The following BEND7 variants were observed in gnomAD, a reference collection of about 807,000 sequenced individuals.
The protein encoded by BEND7 is BEN domain containing 7.
In BEND7, 28 loss-of-function variants were observed where a neutral mutation model predicts 50.9. The observed-to-expected ratio is 0.55, with a 90% CI of 0.41 to 0.75. BEND7 has a LOEUF of 0.75. BEND7 is among the 30% of genes least tolerant of loss of function. BEND7 has a pLI of 0.00. For missense variants in BEND7, 477 were observed against 491.3 expected, an observed-to-expected ratio of 0.97 and a Z score of 0.28; for synonymous variants, 170 against 183.9, an observed-to-expected ratio of 0.92 and a Z score of 0.61.
At chr10:13,509,080 G>A (rs531810145) in intron 2 of BEND7, among the ~76,000 whole-genome samples, 1 of 152,326 alleles carries the variant, frequency 6.6e-6, no homozygotes, top group East Asian at 1.9e-4. Context: ...ACCAGGAAAT[G>A]AAGCAAGAAA....
At chr10:13,468,292 T>G (rs2074455181) in intron 6 of BEND7, among the ~76,000 whole-genome samples, 1 of 152,164 alleles carries the variant, frequency 6.6e-6, no homozygotes, top group South Asian at 2.1e-4. Flanking sequence ...GGGATGAGAC[T>G]TGGGGTAAAC....
intron 4 of BEND7, among the ~76,000 whole-genome samples, chr10:13,495,339 T>C (rs1167239579): frequency 2.0e-5 from 3 of 152,216 alleles, no homozygotes; most frequent in Non-Finnish European, 4.4e-5. Flanking sequence ...AAATACTTCC[T>C]TGGGGTAAAA....
intron 6 of BEND7, among the ~76,000 whole-genome samples, chr10:13,456,432 C>T (rs191585153): frequency 8.5e-5 from 13 of 152,270 alleles, no homozygotes; most frequent in Admixed American, 2.0e-4. Context: ...AGAAGTGATC[C>T]GGATGACAGT....
At chr10:13,448,071 T>G (rs1300877033) in intron 7 of BEND7, among the ~76,000 whole-genome samples, 1 of 152,164 alleles carries the variant, frequency 6.6e-6, no homozygotes, top group Non-Finnish European at 1.5e-5. Flanking sequence ...ATTAACGTGG[T>G]CATGAAGAAG....
At chr10:13,477,948 AGTCTATGAAATAAACT>A (rs1342188360) in intron 6 of BEND7, among the ~76,000 whole-genome samples, 12 of 152,216 alleles carry the variant, frequency 7.9e-5, no homozygotes, top group Admixed American at 4.6e-4. Flanking sequence ...GGTTCAGTCA[AGTCTATGAAATAAACT>A]GACGGCAGAT....
chr10:13,481,194 C>CA, intron 5 of BEND7, 70 bp from the exon 6 acceptor site: 6 of 1,403,756 alleles, frequency 4.3e-6, no homozygotes, highest in Non-Finnish European at 4.9e-6. Context: ...ACATGAGCAA[C>CA]AAAAAAACAT....
At chr10:13,474,721 T>C (rs2075297901) in intron 6 of BEND7, among the ~76,000 whole-genome samples, 1 of 152,256 alleles carries the variant, frequency 6.6e-6, no homozygotes, top group Admixed American at 6.5e-5. Flanking sequence ...GTCATCAGTG[T>C]TGGACTCGGG....
chr10:13,448,305 T>C (rs912882055), intron 7 of BEND7, among the ~76,000 whole-genome samples: 8 of 152,170 alleles, frequency 5.3e-5, no homozygotes, highest in Admixed American at 4.6e-4. Flanking sequence ...AAACATCACA[T>C]TATGGCCCCT....
chr10:13,517,246 A>T (rs1328340297), intron 2 of BEND7, among the ~76,000 whole-genome samples: 4 of 147,042 alleles, frequency 2.7e-5, no homozygotes, highest in Admixed American at 2.0e-4. Flanking sequence ...TTTTTGTAGA[A>T]TTTTTTTTTT....
chr10:13,506,722 C>T (rs1054147990), intron 2 of BEND7, among the ~76,000 whole-genome samples: 2 of 152,048 alleles, frequency 1.3e-5, no homozygotes, highest in East Asian at 3.9e-4. Context: ...TGAATGGCAA[C>T]GTCAGTCTAC....
chr10:13,521,084 G>A (rs762648418), intron 2 of BEND7, among the ~76,000 whole-genome samples: 1 of 152,124 alleles, frequency 6.6e-6, no homozygotes, highest in South Asian at 2.1e-4. Flanking sequence ...GACTGGGGGC[G>A]CCCTAACATT....
At chr10:13,443,053 C>G (rs972657194) in intron 8 of BEND7, 1 of 152,118 alleles carries the variant, frequency 6.6e-6, no homozygotes, top group Non-Finnish European at 1.5e-5. Flanking sequence ...TGAATGAAAA[C>G]AGGGAAGAGA....
intron 5 of BEND7, among the ~76,000 whole-genome samples, chr10:13,485,587 A>G (rs1314453992): frequency 6.6e-6 from 1 of 152,234 alleles, no homozygotes; most frequent in Non-Finnish European, 1.5e-5. Flanking sequence ...AAAGCCTATA[A>G]CAGGATTCAT....
At chr10:13,472,376 C>T (rs1375816871) in intron 6 of BEND7, among the ~76,000 whole-genome samples, 1 of 151,140 alleles carries the variant, frequency 6.6e-6, no homozygotes, top group African/African-American at 2.4e-5. Flanking sequence ...AGGGCCAATA[C>T]TCGTCATCAC....
intron 6 of BEND7, among the ~76,000 whole-genome samples, chr10:13,464,476 G>A (rs1431149612): frequency 5.3e-5 from 8 of 152,056 alleles, no homozygotes; most frequent in Non-Finnish European, 8.8e-5. Flanking sequence ...TAGGATTGAC[G>A]GGAACACAAG....
chr10:13,489,056 T>C (rs1035021420), intron 5 of BEND7, among the ~76,000 whole-genome samples: 5 of 152,204 alleles, frequency 3.3e-5, no homozygotes, highest in African/African-American at 1.2e-4. Context: ...CTAATATTTA[T>C]TGAGTGCTTA....
intron 6 of BEND7, among the ~76,000 whole-genome samples, chr10:13,471,866 A>C (rs1293422029): frequency 2.0e-5 from 3 of 152,272 alleles, no homozygotes; most frequent in African/African-American, 7.2e-5. Flanking sequence ...CATCGCTATT[A>C]GAATTGGGGT....
intron 6 of BEND7, among the ~76,000 whole-genome samples, chr10:13,453,286 C>A (rs901718871): frequency 6.6e-6 from 1 of 152,182 alleles, no homozygotes; most frequent in Non-Finnish European, 1.5e-5. Flanking sequence ...GGGCTATGCA[C>A]AGTGTGTGGC....
chr10:13,516,788 C>T (rs1358982598), intron 2 of BEND7, among the ~76,000 whole-genome samples: 2 of 152,124 alleles, frequency 1.3e-5, no homozygotes, highest in East Asian at 3.9e-4. Flanking sequence ...AGACACTGTT[C>T]TGCAAACAAA....
Sources: gnomAD v4.1 joint callset for allele counts (sites outside exome capture counted in the v4.1 genomes callset) on GRCh38, gnomAD v4.1.1 for gene constraint, MANE v1.5 for transcripts, NCBI Gene and HGNC (gene_info 2026-07-23, HGNC 2026-07-21) for gene names.